The following UTRN variants were observed in gnomAD, a reference collection of about 807,000 sequenced individuals.
The protein encoded by UTRN is dystrophin-related protein 1.
Under a neutral mutation model 463.9 loss-of-function variants are expected in UTRN, and 283 were observed. That is an observed-to-expected ratio of 0.61 (90% CI 0.55 to 0.67). The LOEUF is 0.67. UTRN is among the 30% of genes least tolerant of loss of function. UTRN has a pLI of 0.00. For missense variants in UTRN, 3,922 were observed against 4,084.3 expected, an observed-to-expected ratio of 0.96 and a Z score of 1.08; for synonymous variants, 1,442 against 1,431.5, an observed-to-expected ratio of 1.01 and a Z score of -0.17.
chr6:144,346,199 A>C (rs556131733), intron 2 of UTRN, among the ~76,000 whole-genome samples: 2 of 152,030 alleles, frequency 1.3e-5, no homozygotes, highest in East Asian at 3.9e-4. Context: ...AAATAAAATA[A>C]AAAAGCAGGC....
At chr6:144,670,574 A>T (rs989061712) in intron 51 of UTRN, among the ~76,000 whole-genome samples, 6 of 151,366 alleles carry the variant, frequency 4.0e-5, no homozygotes, top group African/African-American at 1.5e-4. Flanking sequence ...CCACTCTGTG[A>T]CTCTATGGGC....
chr6:144,757,212 A>G (rs1360483758), intron 57 of UTRN, among the ~76,000 whole-genome samples: 1 of 149,480 alleles, frequency 6.7e-6, no homozygotes. Context: ...TATATTTTTT[A>G]TAAGTAAGAA....
intron 19 of UTRN, among the ~76,000 whole-genome samples, chr6:144,457,451 A>T (rs1349932861): frequency 1.3e-5 from 2 of 152,190 alleles, no homozygotes; most frequent in African/African-American, 4.8e-5. Context: ...GGCTGGTGTT[A>T]CTATTCCTTT....
At chr6:144,441,959 C>T (rs561044590) in intron 13 of UTRN, among the ~76,000 whole-genome samples, 1 of 152,238 alleles carries the variant, frequency 6.6e-6, no homozygotes, top group African/African-American at 2.4e-5. Context: ...GGATGCAGGG[C>T]ACCAAGTACC....
intron 65 of UTRN, among the ~76,000 whole-genome samples, chr6:144,805,067 G>A (rs1178215347): frequency 6.6e-6 from 1 of 152,086 alleles, no homozygotes; most frequent in Non-Finnish European, 1.5e-5. Flanking sequence ...TGGAGAAGTG[G>A]GTGGACAGGG....
chr6:144,332,904 T>TTTTATTTATTTA (rs200334669), intron 2 of UTRN, among the ~76,000 whole-genome samples: 21 of 145,206 alleles, frequency 1.4e-4, no homozygotes, highest in African/African-American at 3.4e-4. Context: ...GATATTAACC[T>TTTTATTTATTTA]TTTATTTATT....
intron 34 of UTRN, among the ~76,000 whole-genome samples, chr6:144,505,202 CA>C (rs1324624146): frequency 6.6e-5 from 10 of 151,998 alleles, no homozygotes; most frequent in South Asian, 6.2e-4. Context: ...TTAATCTTTT[CA>C]AAAAACCAGC....
At position 144,835,810 on chromosome 6, in the gene UTRN, T is replaced by C. The variant is rs747176773; in HGVS notation, c.9696T>C (p.Tyr3232=). ...VEDEHALIQQ[Y]CQTLGGESPV... ...ACGAGCACGCCCTCATCCAGCAGTA[T>C]TGCCAAACACTCGGAGGAGAGTCCC... The change falls in exon 70 of 75, where the codon TAT becomes TAC. Residue 3232 remains tyrosine (Y), a synonymous_variant. Coordinates refer to ENST00000367545, the MANE Select transcript of UTRN (RefSeq NM_007124.3). 6.2e-7 allele frequency: 1 copy of C among 1,614,114 alleles called. No homozygotes were observed. Among genetic ancestry groups the C allele is most frequent in the East Asian group, 2.2e-5 (1 of 44,886 alleles).
chr6:144,455,727 G>A (rs1788749326), intron 19 of UTRN, among the ~76,000 whole-genome samples: 1 of 152,126 alleles, frequency 6.6e-6, no homozygotes, highest in Non-Finnish European at 1.5e-5. Flanking sequence ...GGAAAGTCTT[G>A]GAACCCTTGT....
intron 2 of UTRN, among the ~76,000 whole-genome samples, chr6:144,362,692 C>T (rs1362837479): frequency 6.6e-6 from 1 of 152,200 alleles, no homozygotes; most frequent in African/African-American, 2.4e-5. Flanking sequence ...AGGTCTGCAT[C>T]AACACCTGAA....
At chr6:144,683,862 A>G in intron 52 of UTRN, among the ~76,000 whole-genome samples, 1 of 152,152 alleles carries the variant, frequency 6.6e-6, no homozygotes, top group Admixed American at 6.5e-5. Context: ...CCTGTCACAC[A>G]GGGATAAGAG....
At chr6:144,342,342 TACACACACAC>T (rs55809792) in intron 2 of UTRN, among the ~76,000 whole-genome samples, 5 of 138,328 alleles carry the variant, frequency 3.6e-5, no homozygotes, top group South Asian at 4.7e-4. Context: ...GGTACACACA[TACACACACAC>T]ACACACACAC....
At chr6:144,597,273 A>G (rs1179788112) in intron 51 of UTRN, among the ~76,000 whole-genome samples, 1 of 151,654 alleles carries the variant, frequency 6.6e-6, no homozygotes, top group African/African-American at 2.4e-5. Context: ...TTACCTGGCA[A>G]TAAACATTTA....
chr6:144,540,946 T>A (rs757006669), intron 45 of UTRN, among the ~76,000 whole-genome samples: 5 of 152,144 alleles, frequency 3.3e-5, no homozygotes, highest in Admixed American at 3.3e-4. Context: ...TTTTCTTAGG[T>A]CAAAAAATAT....
intron 52 of UTRN, 33 bp downstream of exon 52, chr6:144,678,611 G>A: frequency 1.3e-6 from 2 of 1,539,004 alleles, no homozygotes; most frequent in East Asian, 2.4e-5. Flanking sequence ...TAAAAATAAT[G>A]GGGTGGAAGG....
At chr6:144,462,894 A>T (rs1562438581) in intron 23 of UTRN, 28 bp downstream of exon 23, 1 of 1,534,060 alleles carries the variant, frequency 6.5e-7, no homozygotes, top group Non-Finnish European at 8.9e-7. Context: ...TGGGAGTTTA[A>T]GTTTATTACG....
chr6:144,406,368 T>C (rs1308459001), intron 3 of UTRN, among the ~76,000 whole-genome samples: 5 of 148,760 alleles, frequency 3.4e-5, no homozygotes, highest in South Asian at 2.1e-4. Flanking sequence ...TTTTTTTTTT[T>C]TTTTTTTTTG....
In UTRN at chr6:144,393,613, C is replaced by T. The variant is rs938008087; in HGVS notation, c.80-9510C>T. Among the ~76,000 whole-genome samples the T allele has an allele frequency of 9.9e-5, 15 of 152,198 alleles. No homozygotes were observed. The Middle Eastern group carries it at 0.01, about 104-fold the overall frequency. On this transcript the variant is annotated intron_variant, in intron 2 of 74. Coordinates refer to ENST00000367545, the MANE Select transcript of UTRN (RefSeq NM_007124.3). The stretch of plus-strand genomic sequence containing the variant: ...TCTGTGGCTGAGAATTCCAAGATGG[C>T]GGCCTGTGTCATGACACGTCAGAGA...
In UTRN at chr6:144,577,251, A is replaced by G. The variant is rs1231325436; in HGVS notation, c.7442A>G (p.Asp2481Gly). ...DASHRENALQ[D>G]SILARELKQQ... The stretch of plus-strand genomic sequence containing the variant: ...TCTCATCGGGAGAATGCTCTTCAGG[A>G]TAGTATCTTGGCCAGGGAACTCAAA... Residue 2481 changes from aspartate to glycine, a missense_variant, in exon 51 of 75, where the codon GAT (aspartate) becomes GGT (glycine). By Grantham distance (94) the Asp-to-Gly change is moderately conservative. Coordinates refer to ENST00000367545, the MANE Select transcript of UTRN (RefSeq NM_007124.3). 2.5e-6 allele frequency: 4 copies of G among 1,613,844 alleles called. No individual in the cohort carries two copies. In the East Asian group the frequency reaches 6.7e-5, roughly 27 times the overall value.
Sources: allele counts gnomAD v4.1 joint callset (sites outside exome capture counted in the v4.1 genomes callset), GRCh38; gene constraint gnomAD v4.1.1; transcripts MANE v1.5; gene names NCBI Gene and HGNC (gene_info 2026-07-23, HGNC 2026-07-21).